The following NUP155 variants were observed in gnomAD, a reference collection of about 807,000 sequenced individuals.
NUP155 encodes the protein nuclear pore complex protein Nup155.
In NUP155, 71 loss-of-function variants were observed where a neutral mutation model predicts 180.4. The ratio of observed to expected loss-of-function variants is 0.39; its 90% CI spans 0.33 to 0.48. NUP155 has a LOEUF of 0.48. Ranked by LOEUF, NUP155 falls within the 20% of genes least tolerant of loss-of-function variation. NUP155 has a pLI of 0.91. For synonymous variants in NUP155, 582 were observed against 559.5 expected, an observed-to-expected ratio of 1.04 and a Z score of -0.57; for missense variants, 1,553 against 1,648.9, an observed-to-expected ratio of 0.94 and a Z score of 1.01.
intron 10 of NUP155, chr5:37,342,335 C>T: frequency 2.1e-6 from 1 of 479,634 alleles, no homozygotes; most frequent in South Asian, 2.4e-5. Context: ...ATGTGAGCTA[C>T]CATGCCTGGC....
At chr5:37,307,755 C>T (rs1395403273) in intron 24 of NUP155, among the ~76,000 whole-genome samples, 1 of 151,832 alleles carries the variant, frequency 6.6e-6, no homozygotes, top group East Asian at 1.9e-4. Flanking sequence ...AACCCCACCT[C>T]TACTAAAAAT....
chr5:37,318,047 A>G lies in NUP155; in HGVS notation c.2246T>C (p.Met749Thr), dbSNP rs749550392. The change falls in exon 21 of 35, where the codon ATG (methionine) becomes ACG (threonine). Residue 749 changes from methionine (M) to threonine (T), a missense_variant. Physicochemically the swap from Met to Thr is moderately conservative, Grantham distance 81. Transcript: ENST00000231498. ...CTGGGGATTTCCGTTTTCAGGACGCATGAATCCTATCAGCCTCTGCTGCAC... is the reference window on the plus strand; with the variant it reads ...CTGGGGATTTCCGTTTTCAGGACGCGTGAATCCTATCAGCCTCTGCTGCAC... ...AKVQQRLIGF[M>T]RPENGNPQQM... is the part of the protein sequence containing the mutation. The G allele has an allele frequency of 1.9e-6, 3 of 1,612,786 alleles. No homozygotes were observed. Among genetic ancestry groups the G allele is most frequent in the African/African-American group, 1.3e-5 (1 of 74,922 alleles).
chr5:37,309,231 T>G lies in NUP155; in HGVS notation c.2665A>C (p.Asn889His). The change falls in exon 24 of 35, where the codon AAT (asparagine) becomes CAT (histidine). Residue 889 changes from asparagine (N) to histidine (H), a missense_variant. Coordinates refer to ENST00000231498, the MANE Select transcript of NUP155 (RefSeq NM_153485.3). ...ELLQRSRQVQ[N>H]KTEKERMLRE... ...AACATTCTTTCTTTTTCAGTCTTAT[T>G]TTGAACTTGTCGGGAACGCTGGAGA... is the stretch of plus-strand genomic sequence containing the variant. The G allele has an allele frequency of 6.2e-7, 1 of 1,613,386 alleles. No individual in the cohort carries two copies. The highest frequency in any genetic ancestry group is 8.5e-7 in the Non-Finnish European group (1 of 1,179,832).
rs181448781 is a variant in NUP155, at chr5:37,349,824, G to A, written c.829+336C>T. Among the ~76,000 whole-genome samples the A allele has an allele frequency of 9.2e-5, 14 of 152,170 alleles. No homozygotes were observed. The East Asian group carries it at 2.1e-3, about 23-fold the overall frequency. On this transcript the variant is annotated intron_variant, in intron 7 of 34. Coordinates refer to ENST00000231498, the MANE Select transcript of NUP155 (RefSeq NM_153485.3). Reference sequence around the variant, plus strand: ...GCTAAGATATATTCTTTTTATACTGGAAATTTGTTCTAGACCAAGCAAACA... The same window carrying A: ...GCTAAGATATATTCTTTTTATACTGAAAATTTGTTCTAGACCAAGCAAACA...
At chr5:37,313,622 T>A (rs1743674908) in intron 22 of NUP155, among the ~76,000 whole-genome samples, 1 of 151,868 alleles carries the variant, frequency 6.6e-6, no homozygotes, top group Non-Finnish European at 1.5e-5. Context: ...CACTTCAGCC[T>A]CCCAAGTAGC....
rs778217131 is a variant in NUP155, at chr5:37,333,415, T to C, written c.1518+48A>G. ...TACTTCAGAGAACTTGACAAAAATA[T>C]TATACATCGCTTATTTTTGTCACTA... On this transcript the variant is annotated intron_variant, in intron 13 of 34. Transcript: ENST00000231498. 30 of 1,514,248 alleles carry C rather than the reference T, an allele frequency of 2.0e-5. No individual in the cohort carries two copies. The South Asian group carries it at 2.4e-4, about 12-fold the overall frequency. 93.8% of individuals were successfully genotyped at this position (1,514,248 alleles called of 1,614,324 possible).
chr5:37,317,062 A>G (rs112097976), intron 21 of NUP155, among the ~76,000 whole-genome samples: 20,006 of 151,184 alleles, frequency 0.13, 1,393 homozygotes, highest in African/African-American at 0.17. Context: ...CCAGCTACTC[A>G]GAAGGCTGAG....
intron 1 of NUP155, among the ~76,000 whole-genome samples, chr5:37,367,458 A>G (rs1747666377): frequency 6.7e-6 from 1 of 149,642 alleles, no homozygotes. Flanking sequence ...CAAGTGATCC[A>G]CTCACCTTTG....
chr5:37,333,440 A>G, intron 13 of NUP155, 23 bp downstream of exon 13: 1 of 1,605,932 alleles, frequency 6.2e-7, no homozygotes, highest in East Asian at 2.2e-5. Context: ...TTTTGTCACT[A>G]CCATAACAGA....
Position 37,370,957 on chromosome 5 carries a change from G to C in NUP155, c.21C>G (p.Gly7=). 6.2e-7 allele frequency: 1 copy of C among 1,613,954 alleles called. No homozygotes were observed. The highest frequency in any genetic ancestry group is 8.5e-7 in the Non-Finnish European group (1 of 1,180,020). ...CAGATGTAGAGGCCGGCATCGCCGC[G>C]CCCAACAAAGAAGACGGCATCTCGG... MPSSLL[G]AAMPASTSAA... Residue 7 remains glycine, a synonymous_variant, in exon 1 of 35, where the codon GGC becomes GGG. Transcript: ENST00000231498.
intron 9 of NUP155, among the ~76,000 whole-genome samples, chr5:37,346,098 T>C (rs1048169542): frequency 2.0e-5 from 3 of 151,970 alleles, no homozygotes; most frequent in Admixed American, 1.3e-4. Context: ...CTGAGCAAGA[T>C]AGCAAGACCC....
intron 22 of NUP155, among the ~76,000 whole-genome samples, chr5:37,313,026 C>CT (rs1743625599): frequency 6.6e-6 from 1 of 152,164 alleles, no homozygotes; most frequent in South Asian, 2.1e-4. Context: ...TATATTCTAT[C>CT]TAACATTTAG....
In NUP155 at chr5:37,313,580, C is replaced by T. The variant is rs1292849039; in HGVS notation, c.2436+618G>A. Among the ~76,000 whole-genome samples, 9 of 151,820 alleles carry T rather than the reference C, an allele frequency of 5.9e-5. 1 individual carries two copies. The highest frequency in any genetic ancestry group is 1.0e-4 in the Non-Finnish European group (7 of 67,964). On this transcript the variant is annotated intron_variant, in intron 22 of 34. Coordinates refer to ENST00000231498, the MANE Select transcript of NUP155 (RefSeq NM_153485.3). ...CAGTGGCACCATCATGGCTAAGTGG[C>T]GCCTCAACCTCCCAGGCTCAAGTGC...
At position 37,305,212 on chromosome 5, in the gene NUP155, T is replaced by C; in HGVS notation, c.2904-2A>G. The C allele has an allele frequency of 1.2e-6, 2 of 1,609,284 alleles. No individual in the cohort carries two copies. Among genetic ancestry groups the C allele is most frequent in the Non-Finnish European group, 1.7e-6 (2 of 1,176,432 alleles). ...GTAATGCATTTGTAACTGTTTAATC[T>C]GAAAGAAAATGGAAAAGGAACAATT... On this transcript the variant is annotated splice_acceptor_variant, in intron 25 of 34. Transcript: ENST00000231498. LOFTEE classifies it high-confidence loss of function.
At chr5:37,313,524 A>G (rs1225018094) in intron 22 of NUP155, among the ~76,000 whole-genome samples, 1 of 150,940 alleles carries the variant, frequency 6.6e-6, no homozygotes, top group Non-Finnish European at 1.5e-5. Context: ...AGAGAGAGAC[A>G]GGGTCTCACT....
intron 1 of NUP155, among the ~76,000 whole-genome samples, chr5:37,370,178 A>T (rs1393031280): frequency 6.6e-6 from 1 of 152,118 alleles, no homozygotes; most frequent in Admixed American, 6.6e-5. Flanking sequence ...GTGACCAGCC[A>T]GGCCAATATG....
Position 37,358,101 on chromosome 5 carries a change from C to T in NUP155, c.443G>A (p.Gly148Glu), listed in dbSNP as rs1257959845. The stretch of plus-strand genomic sequence containing the variant: ...CTTACCTGCTTTTGGCTTCACAAGC[C>T]CCACAGCAAGAATAGTCTCACTAAG... ...DGLSETILAVGLVKPKAGIFQ... is the reference protein window; with the variant it reads ...DGLSETILAVELVKPKAGIFQ... Residue 148 changes from glycine (G) to glutamate (E), a missense_variant, in exon 4 of 35, where the codon GGG becomes GAG. Physicochemically the swap from Gly to Glu is moderately conservative, Grantham distance 98 (BLOSUM62 -2). Coordinates refer to ENST00000231498, the MANE Select transcript of NUP155 (RefSeq NM_153485.3). The T allele has an allele frequency of 1.2e-6, 2 of 1,613,014 alleles. No homozygotes were observed. Among genetic ancestry groups the T allele is most frequent in the Admixed American group, 3.3e-5 (2 of 59,996 alleles).
intron 33 of NUP155, among the ~76,000 whole-genome samples, chr5:37,294,005 C>CAAAAAAAAAAAAAAAAAAAAAAAAAAAA (rs70976294): frequency 5.1e-4 from 19 of 37,254 alleles, no homozygotes; most frequent in Middle Eastern, 0.016. Context: ...GACGCCGTCT[C>CAAAAAAAAAAAAAAAAAAAAAAAAAAAA]AAAAAAAAAA....
intron 20 of NUP155, among the ~76,000 whole-genome samples, chr5:37,321,414 C>A (rs551123496): frequency 6.6e-6 from 1 of 151,956 alleles, no homozygotes; most frequent in South Asian, 2.1e-4. Context: ...GAGGTAAATT[C>A]TCCTGCTTAA....
Sources: allele counts gnomAD v4.1 joint callset (sites outside exome capture counted in the v4.1 genomes callset), GRCh38; gene constraint gnomAD v4.1.1; transcripts MANE v1.5; gene names NCBI Gene and HGNC (gene_info 2026-07-23, HGNC 2026-07-21).